AGBL2: variants seen among roughly 807,000 people sequenced by gnomAD.
AGBL2 encodes cytosolic carboxypeptidase 2.
In AGBL2, 87 loss-of-function variants were observed where a neutral mutation model predicts 103.0. The ratio of observed to expected loss-of-function variants is 0.84; its 90% CI spans 0.71 to 1.01. The LOEUF is 1.01. AGBL2 is among the 50% of genes least tolerant of loss of function. The pLI, the probability that AGBL2 is intolerant of heterozygous loss-of-function variation, is 0.00. For missense variants in AGBL2, 904 were observed against 1,023.5 expected (o/e 0.88, Z 1.59); for synonymous variants, 335 against 356.7 (o/e 0.94, Z 0.69).
At chr11:47,677,947 T>C (rs931655224) in intron 13 of AGBL2, among the ~76,000 whole-genome samples, 1 of 152,070 alleles carries the variant, frequency 6.6e-6, no homozygotes, top group Non-Finnish European at 1.5e-5. Flanking sequence ...CACTTTTCTC[T>C]GACTAGAGCC....
At chr11:47,691,611 G>A (rs1283996404) in intron 9 of AGBL2, among the ~76,000 whole-genome samples, 6 of 146,210 alleles carry the variant, frequency 4.1e-5, no homozygotes, top group African/African-American at 1.5e-4. Context: ...AGGAGGCTGA[G>A]GCAGGAGAAT....
chr11:47,708,991 G>A (rs1186099168), intron 4 of AGBL2, among the ~76,000 whole-genome samples: 2 of 151,842 alleles, frequency 1.3e-5, no homozygotes, highest in Admixed American at 6.6e-5. Context: ...GAGTGGTGGC[G>A]GGCGCCTGTA....
intron 8 of AGBL2, among the ~76,000 whole-genome samples, chr11:47,693,159 C>T (rs891601339): frequency 6.6e-6 from 1 of 151,490 alleles, no homozygotes; most frequent in Non-Finnish European, 1.5e-5. Flanking sequence ...TGCCTCCCTC[C>T]CTCCCTTCCT....
intron 8 of AGBL2, among the ~76,000 whole-genome samples, chr11:47,695,159 A>T (rs559488587): frequency 3.7e-4 from 55 of 149,298 alleles, no homozygotes; most frequent in Non-Finnish European, 5.5e-4. Flanking sequence ...CAAAAAACAA[A>T]CAAACAAAAC....
chr11:47,706,285 G>A (rs1447523669), intron 4 of AGBL2, among the ~76,000 whole-genome samples: 2 of 152,106 alleles, frequency 1.3e-5, no homozygotes, highest in South Asian at 4.2e-4. Context: ...GGGAGGCTGA[G>A]GTGGGCGGAT....
At chr11:47,688,357 G>A (rs2097432375) in intron 10 of AGBL2, among the ~76,000 whole-genome samples, 3 of 152,050 alleles carry the variant, frequency 2.0e-5, no homozygotes, top group Admixed American at 6.6e-5. Flanking sequence ...GCTCACCATG[G>A]TGCAGACCTG....
At chr11:47,673,756 T>G (rs2097364759) in intron 14 of AGBL2, among the ~76,000 whole-genome samples, 1 of 134,704 alleles carries the variant, frequency 7.4e-6, no homozygotes, top group African/African-American at 2.8e-5. Flanking sequence ...ATCACGCCAT[T>G]GGACTCCAGC....
intron 3 of AGBL2, among the ~76,000 whole-genome samples, chr11:47,712,323 C>T (rs1008535146): frequency 1.3e-5 from 2 of 151,970 alleles, no homozygotes; most frequent in Admixed American, 6.6e-5. Flanking sequence ...TAACAACATT[C>T]TTTGATAGAA....
rs764995739 is a variant in AGBL2 at position 47,667,508 on chromosome 11, C to T, written c.2340+63G>A. On this transcript the variant is annotated intron_variant, in intron 16 of 18. Transcript: ENST00000525123. ...TTTAGAGTAAACTTTAACCCCCTTT[C>T]CTTATCCCTCTATGGAATGGTCTGA... The T allele has an allele frequency of 4.4e-5, 70 of 1,579,324 alleles. No homozygotes were observed. The South Asian group carries it at 4.6e-4, about 10-fold the overall frequency.
rs1276157545 is a variant in AGBL2, at chr11:47,708,077, T to TC, written c.233-2161_233-2160insG. Among the ~76,000 whole-genome samples, 8 of 151,950 alleles carry TC rather than the reference T, an allele frequency of 5.3e-5. No homozygotes were observed. The East Asian group carries it at 1.6e-3, about 29-fold the overall frequency. ...ACCATGTTCAGATTTAGTCATCTTT[T>TC]TTTTTTTTGAGATGGAGTCTCGCTC... is the stretch of plus-strand genomic sequence containing the variant. On this transcript the variant is annotated intron_variant, in intron 4 of 18. Transcript: ENST00000525123.
chr11:47,678,343 A>ATTTTTTTTTTTTTTTT (rs1440515781), intron 13 of AGBL2, among the ~76,000 whole-genome samples: 14 of 116,850 alleles, frequency 1.2e-4, no homozygotes, highest in South Asian at 7.2e-4. Context: ...TTATTATTTT[A>ATTTTTTTTTTTTTTTT]TTTTTTTTGA....
At chr11:47,712,258 C>T (rs1377699980) in intron 3 of AGBL2, among the ~76,000 whole-genome samples, 1 of 151,942 alleles carries the variant, frequency 6.6e-6, no homozygotes, top group Admixed American at 6.6e-5. Flanking sequence ...ATCCAGGGGC[C>T]TTGGAACCTC....
intron 14 of AGBL2, among the ~76,000 whole-genome samples, chr11:47,672,794 C>A (rs773323867): frequency 6.6e-6 from 1 of 152,112 alleles, no homozygotes; most frequent in Non-Finnish European, 1.5e-5. Flanking sequence ...TGCTTTTGGG[C>A]CCAGATGTCA....
intron 17 of AGBL2, among the ~76,000 whole-genome samples, chr11:47,665,120 T>C (rs2097338128): frequency 6.6e-6 from 1 of 151,558 alleles, no homozygotes. Flanking sequence ...CAATCTCAGC[T>C]CACTGCAACC....
intron 8 of AGBL2, among the ~76,000 whole-genome samples, chr11:47,697,100 T>C (rs1283459868): frequency 6.6e-6 from 1 of 151,856 alleles, no homozygotes; most frequent in Non-Finnish European, 1.5e-5. Flanking sequence ...AACTAATTTT[T>C]GTATTTTTAG....
rs200029588 is a variant in AGBL2 at position 47,696,185 on chromosome 11, C to CA, written c.694+3260dup. On this transcript the variant is annotated intron_variant, in intron 8 of 18. Transcript: ENST00000525123. ...TGACAGAGTAAGTGAGACTCTGTCT[C>CA]AAAAAAAAAAAAAAAAAAAGATTTC... is the stretch of plus-strand genomic sequence containing the variant. 2.1e-3 allele frequency among the ~76,000 whole-genome samples: 208 copies of CA among 97,758 alleles called. 1 individual carries two copies. Among genetic ancestry groups the CA allele is most frequent in the African/African-American group, 7.8e-3 (197 of 25,106 alleles). The allele number at this position is 97,758 out of a possible 152,430, so 64.1% of individuals were successfully genotyped here. A position where few individuals can be genotyped will look rare whatever the true frequency, so the allele number is the denominator to read the frequency against.
At chr11:47,699,391 G>A in intron 8 of AGBL2, 55 bp downstream of exon 8, 1 of 988,374 alleles carries the variant, frequency 1.0e-6, no homozygotes, top group East Asian at 2.6e-5. Context: ...TGGAACATAT[G>A]TTTATTATAA....
At chr11:47,666,906 C>T (rs554070951) in intron 17 of AGBL2, 50 bp downstream of exon 17, 21 of 1,195,634 alleles carry the variant, frequency 1.8e-5, no homozygotes, top group Admixed American at 7.4e-5. Flanking sequence ...GGTGCTAATT[C>T]GAGAGGTTAG....
At chr11:47,693,114 C>T (rs2097454483) in intron 8 of AGBL2, among the ~76,000 whole-genome samples, 1 of 152,066 alleles carries the variant, frequency 6.6e-6, no homozygotes, top group South Asian at 2.1e-4. Context: ...GCCATTGCAT[C>T]CTGCAGATAC....
Sources: gnomAD v4.1 joint callset for allele counts (sites outside exome capture counted in the v4.1 genomes callset) on GRCh38, gnomAD v4.1.1 for gene constraint, MANE v1.5 for transcripts, NCBI Gene and HGNC (gene_info 2026-07-23, HGNC 2026-07-21) for gene names.